The following VWA5B1 variants were observed in gnomAD, a reference collection of about 807,000 sequenced individuals.
VWA5B1 encodes von Willebrand factor A domain containing 5B1.
Under a neutral mutation model 118.2 loss-of-function variants are expected in VWA5B1, and 115 were observed. That is an observed-to-expected ratio of 0.97 (90% CI 0.84 to 1.14). The LOEUF (loss-of-function observed/expected upper bound fraction) is 1.14. VWA5B1 is among the 50% of genes most tolerant of loss of function. The pLI is 0.00. For synonymous variants in VWA5B1, 682 were observed against 658.4 expected (o/e 1.04, Z -0.55); for missense variants, 1,596 against 1,603.8 (o/e 1.00, Z 0.08).
intron 1 of VWA5B1, among the ~76,000 whole-genome samples, chr1:20,307,854 T>C (rs1229629618): frequency 6.7e-6 from 1 of 149,192 alleles, no homozygotes; most frequent in Non-Finnish European, 1.5e-5. Flanking sequence ...TTTATTTGCG[T>C]GCATGTGTGT....
In VWA5B1 at chr1:20,337,644, A is replaced by C. The variant is rs1182579199; in HGVS notation, c.1943-2A>C. On this transcript the variant is annotated splice_acceptor_variant, in intron 13 of 21. Transcript: ENST00000289815. LOFTEE classifies it high-confidence loss of function. ...TGGTTCCCCATCACTATCCCTGTCC[A>C]GATCTGAACCTCTCTCAGCGACGGA... is the stretch of plus-strand genomic sequence containing the variant. 6.4e-7 allele frequency: 1 copy of C among 1,550,678 alleles called. No individual in the cohort carries two copies. The highest frequency in any genetic ancestry group is 2.4e-5 in the East Asian group (1 of 40,884).
intron 1 of VWA5B1, among the ~76,000 whole-genome samples, chr1:20,301,487 G>T (rs2088503406): frequency 6.6e-6 from 1 of 152,188 alleles, no homozygotes; most frequent in African/African-American, 2.4e-5. Context: ...CCAGGGGCAG[G>T]AATTCACTTC....
intron 14 of VWA5B1, 112 bp from the exon 15 acceptor site, chr1:20,342,320 G>A: frequency 2.6e-6 from 3 of 1,152,070 alleles, no homozygotes; most frequent in Non-Finnish European, 3.7e-6. Flanking sequence ...GGGTGGGGGT[G>A]GGGGAGCAGA....
Position 20,337,776 on chromosome 1 carries a change from G to C in VWA5B1, c.2073G>C (p.Arg691Ser). ...AGAGATACCCACTGCGGAAAGCCAGGCTGCAGGACCTCACCAACCAGACCA... is the reference window on the plus strand; with the variant it reads ...AGAGATACCCACTGCGGAAAGCCAGCCTGCAGGACCTCACCAACCAGACCA... ...AAKRYPLRKA[R>S]LQDLTNQTSL... Residue 691 changes from arginine to serine, a missense_variant, in exon 14 of 22, where the codon AGG (arginine) becomes AGC (serine). Transcript: ENST00000289815. The C allele has an allele frequency of 1.3e-6, 2 of 1,551,786 alleles. No individual in the cohort carries two copies. Among genetic ancestry groups the C allele is most frequent in the Non-Finnish European group, 1.7e-6 (2 of 1,147,010 alleles).
At position 20,343,385 on chromosome 1, in the gene VWA5B1, T is replaced by C. The variant is rs1299267587; in HGVS notation, c.2618T>C (p.Ile873Thr). Reference protein sequence around the residue: ...FEQLAEREGEIEQGSNRRYQV... With the variant: ...FEQLAEREGETEQGSNRRYQV... The stretch of plus-strand genomic sequence containing the variant: ...CAGCTGGCGGAGCGCGAGGGCGAGA[T>C]CGAGCAGGGTGAGCGCCACGGAACT... The change falls in exon 16 of 22, where the codon ATC becomes ACC. Residue 873 changes from isoleucine to threonine, a missense_variant. Coordinates refer to ENST00000289815, the MANE Select transcript of VWA5B1 (RefSeq NM_001039500.3). 3 of 1,527,420 alleles carry C rather than the reference T, an allele frequency of 2.0e-6. No individual in the cohort carries two copies. Among genetic ancestry groups the C allele is most frequent in the Non-Finnish European group, 2.6e-6 (3 of 1,139,962 alleles). 94.6% of individuals were successfully genotyped at this position (1,527,420 alleles called of 1,614,324 possible). A position where few individuals can be genotyped will look rare whatever the true frequency, so the allele number is the denominator to read the frequency against.
At chr1:20,346,772 T>G (rs2090016513) in intron 17 of VWA5B1, among the ~76,000 whole-genome samples, 1 of 152,254 alleles carries the variant, frequency 6.6e-6, no homozygotes, top group African/African-American at 2.4e-5. Context: ...TCAAATTACA[T>G]TTTCCTGTCC....
At chr1:20,298,200 G>A (rs1484591945) in intron 1 of VWA5B1, among the ~76,000 whole-genome samples, 1 of 151,690 alleles carries the variant, frequency 6.6e-6, no homozygotes, top group African/African-American at 2.4e-5. Context: ...TGTAGAAATG[G>A]TCCCTCTATG....
chr1:20,307,002 CT>C (rs1432614431), intron 1 of VWA5B1, among the ~76,000 whole-genome samples: 11 of 152,212 alleles, frequency 7.2e-5, no homozygotes, highest in Non-Finnish European at 1.5e-4. Context: ...CTCTTCTCCC[CT>C]GGCCCCTTTT....
intron 4 of VWA5B1, among the ~76,000 whole-genome samples, chr1:20,316,162 G>C (rs988436083): frequency 1.2e-4 from 18 of 152,274 alleles, no homozygotes; most frequent in Middle Eastern, 3.4e-3. Context: ...AGGAGAGGGG[G>C]GATGCTTGTT....
chr1:20,317,818 T>G, intron 5 of VWA5B1, 143 bp downstream of exon 5: 1 of 1,128,286 alleles, frequency 8.9e-7, no homozygotes, highest in Non-Finnish European at 1.2e-6. Context: ...GGACCCCCAT[T>G]TCCCATGGCC....
At chr1:20,351,065 G>T in intron 20 of VWA5B1, 139 bp downstream of exon 20, 1 of 750,002 alleles carries the variant, frequency 1.3e-6, no homozygotes. Context: ...AGGCACTCCT[G>T]CCCAGAGCAA....
Position 20,330,981 on chromosome 1 carries a change from A to G in VWA5B1, c.1570A>G (p.Lys524Glu). 1.9e-6 allele frequency: 3 copies of G among 1,545,802 alleles called. No individual in the cohort carries two copies. The highest frequency in any genetic ancestry group is 2.6e-6 in the Non-Finnish European group (3 of 1,144,126). Residue 524 changes from lysine to glutamate, a missense_variant and splice_region_variant, in exon 11 of 22, where the codon AAG becomes GAG. Lys to Glu is a moderately conservative substitution (Grantham distance 56). Coordinates refer to ENST00000289815, the MANE Select transcript of VWA5B1 (RefSeq NM_001039500.3). ...LLMEGERLQP[K>E]MVKSLKKAMA... ...GATGGAGGGGGAGCGGCTGCAACCC[A>G]AGGTAGGCAGCAGAACCCACGCAGT...
intron 19 of VWA5B1, 103 bp downstream of exon 19, chr1:20,350,333 G>A (rs2090103724): frequency 6.8e-6 from 9 of 1,320,794 alleles, no homozygotes; most frequent in East Asian, 2.5e-5. Context: ...AGGGCTTCAT[G>A]GAGTCCTCAA....
At chr1:20,342,359 C>A in intron 14 of VWA5B1, 73 bp from the exon 15 acceptor site, 1 of 1,432,234 alleles carries the variant, frequency 7.0e-7, no homozygotes, top group Non-Finnish European at 9.5e-7. Context: ...ACCAGGAGCT[C>A]TTCCTCCTCC....
At chr1:20,351,009 G>A (rs1285446073) in intron 20 of VWA5B1, 83 bp downstream of exon 20, 1 of 1,362,584 alleles carries the variant, frequency 7.3e-7, no homozygotes, top group Non-Finnish European at 1.0e-6. Flanking sequence ...TGACTTGGAA[G>A]GCCAAAGACA....
At chr1:20,304,319 G>A (rs1176351622) in intron 1 of VWA5B1, among the ~76,000 whole-genome samples, 2 of 152,150 alleles carry the variant, frequency 1.3e-5, no homozygotes, top group Admixed American at 1.3e-4. Flanking sequence ...CCTTGAAAGA[G>A]GAACAAGACT....
chr1:20,348,645 C>T (rs2090060324), intron 18 of VWA5B1, among the ~76,000 whole-genome samples: 1 of 152,236 alleles, frequency 6.6e-6, no homozygotes, highest in Non-Finnish European at 1.5e-5. Context: ...TCTGCTGACC[C>T]TGGTGCTGTT....
At chr1:20,295,407 C>G (rs1416719079) in intron 1 of VWA5B1, among the ~76,000 whole-genome samples, 7 of 152,162 alleles carry the variant, frequency 4.6e-5, no homozygotes, top group Non-Finnish European at 1.0e-4. Context: ...GTGGTCAGAT[C>G]AAGATCTCAG....
intron 15 of VWA5B1, 35 bp from the exon 16 acceptor site, chr1:20,343,044 G>A (rs2089917103): frequency 6.8e-7 from 1 of 1,479,956 alleles, no homozygotes; most frequent in Admixed American, 2.4e-5. Context: ...TGTCCCCCAG[G>A]TCAGCGCTTG....
Sources: gnomAD v4.1 joint callset for allele counts (sites outside exome capture counted in the v4.1 genomes callset) on GRCh38, gnomAD v4.1.1 for gene constraint, MANE v1.5 for transcripts, NCBI Gene and HGNC (gene_info 2026-07-23, HGNC 2026-07-21) for gene names.